The following CADM2 variants were observed in gnomAD, a reference collection of about 807,000 sequenced individuals.
CADM2 encodes the protein cell adhesion molecule 2.
A neutral mutation model predicts 49.8 loss-of-function variants in CADM2; 12 were observed. That is an observed-to-expected ratio of 0.24 (90% CI 0.15 to 0.39). CADM2 has a LOEUF of 0.39. Ranked by LOEUF, CADM2 falls within the 10% of genes least tolerant of loss-of-function variation. The pLI is 1.00. For missense variants in CADM2, 378 were observed against 492.3 expected, an observed-to-expected ratio of 0.77 and a Z score of 2.20; for synonymous variants, 214 against 175.4, an observed-to-expected ratio of 1.22 and a Z score of -1.74.
At position 85,288,732 on chromosome 3, in the gene CADM2, T is replaced by C. The variant is rs1301709572; in HGVS notation, c.61+329064T>C. Among the ~76,000 whole-genome samples, 10 of 149,646 alleles carry C rather than the reference T, an allele frequency of 6.7e-5. No individual in the cohort carries two copies. In the South Asian group the frequency reaches 1.9e-3, roughly 28 times the overall value. On this transcript the variant is annotated intron_variant, in intron 1 of 9. Transcript: ENST00000383699. Reference sequence around the variant, plus strand: ...GTGTTGGTGTATATTCCTTGGAAGATACCTCAATTAGAGGCAGTTTTATTT... The same window carrying C: ...GTGTTGGTGTATATTCCTTGGAAGACACCTCAATTAGAGGCAGTTTTATTT...
At chr3:85,191,963 G>C (rs1559712378) in intron 1 of CADM2, among the ~76,000 whole-genome samples, 1 of 151,876 alleles carries the variant, frequency 6.6e-6, no homozygotes, top group Non-Finnish European at 1.5e-5. Context: ...GTGTGTGTGT[G>C]TGTGTGTATT....
intron 7 of CADM2, among the ~76,000 whole-genome samples, chr3:85,943,235 G>A (rs1722192473): frequency 1.4e-5 from 2 of 140,468 alleles, no homozygotes; most frequent in Admixed American, 7.2e-5. Flanking sequence ...CTGGATATTA[G>A]CCCTTTGTCA....
intron 1 of CADM2, among the ~76,000 whole-genome samples, chr3:85,369,959 G>C (rs540540570): frequency 4.8e-4 from 73 of 151,562 alleles, no homozygotes; most frequent in South Asian, 1.0e-3. Context: ...AATGGAAAGA[G>C]ATGTTTTTAA....
At chr3:85,290,647 C>T (rs974804255) in intron 1 of CADM2, among the ~76,000 whole-genome samples, 1 of 152,104 alleles carries the variant, frequency 6.6e-6, no homozygotes, top group African/African-American at 2.4e-5. Flanking sequence ...CCCTGAGCTG[C>T]CTAACTGGGA....
intron 8 of CADM2, among the ~76,000 whole-genome samples, chr3:85,983,472 A>C (rs1727709600): frequency 1.3e-5 from 2 of 151,734 alleles, no homozygotes; most frequent in Non-Finnish European, 2.9e-5. Flanking sequence ...TGTTTTCATC[A>C]GAAAAACATG....
chr3:85,511,831 G>A (rs1008864446), intron 1 of CADM2: 4 of 965,854 alleles, frequency 4.1e-6, no homozygotes, highest in Non-Finnish European at 4.9e-6. Flanking sequence ...GAAACTAATG[G>A]CATGTTTTAT....
At chr3:85,013,813 TTAATTA>T (rs1308530068) in intron 1 of CADM2, among the ~76,000 whole-genome samples, 33 of 147,718 alleles carry the variant, frequency 2.2e-4, no homozygotes, top group African/African-American at 7.6e-4. Flanking sequence ...GTAATTAATT[TTAATTA>T]TAATTAATTA....
At chr3:85,068,508 A>G (rs1050281266) in intron 1 of CADM2, among the ~76,000 whole-genome samples, 10 of 152,124 alleles carry the variant, frequency 6.6e-5, no homozygotes, top group Non-Finnish European at 1.5e-4. Flanking sequence ...TAGAACATTG[A>G]GGAAATAGGA....
At chr3:85,249,208 A>G (rs539794119) in intron 1 of CADM2, among the ~76,000 whole-genome samples, 2 of 152,216 alleles carry the variant, frequency 1.3e-5, no homozygotes, top group East Asian at 3.9e-4. Flanking sequence ...GCCCCAAACC[A>G]CATCTCTTAC....
At chr3:86,013,575 A>T (rs1677403823) in intron 8 of CADM2, 1 of 1,601,666 alleles carries the variant, frequency 6.2e-7, no homozygotes, top group South Asian at 1.1e-5. Flanking sequence ...TGAGAGCTGT[A>T]TTCGAGAAGA....
chr3:86,013,817 T>C lies in CADM2; in HGVS notation c.971-51788T>C, dbSNP rs528560534. 2.5e-6 allele frequency: 4 copies of C among 1,589,516 alleles called. No individual in the cohort carries two copies. In the East Asian group the frequency reaches 9.0e-5, roughly 36 times the overall value. ...GGGGATTAAATATGAAGCATTGTCG[T>C]GGTCAGGCTTACATTGTGTCTAGTG... On this transcript the variant is annotated intron_variant, in intron 8 of 9. Transcript: ENST00000383699.
chr3:85,524,700 CTGTCAA>C (rs917622089), intron 1 of CADM2, among the ~76,000 whole-genome samples: 2 of 152,152 alleles, frequency 1.3e-5, no homozygotes, highest in African/African-American at 4.8e-5. Context: ...TTAATTTTTT[CTGTCAA>C]TTATTGGCAA....
intron 8 of CADM2, among the ~76,000 whole-genome samples, chr3:85,976,827 T>A (rs892942086): frequency 6.6e-6 from 1 of 151,546 alleles, no homozygotes; most frequent in African/African-American, 2.4e-5. Flanking sequence ...AAATAATAAT[T>A]TGTAATGTTA....
At chr3:85,510,062 T>C (rs772104121) in intron 1 of CADM2, among the ~76,000 whole-genome samples, 2 of 151,808 alleles carry the variant, frequency 1.3e-5, no homozygotes, top group Non-Finnish European at 2.9e-5. Flanking sequence ...CTCAAATATG[T>C]ATAATGGAAC....
chr3:85,889,298 T>C (rs984300771), intron 5 of CADM2, among the ~76,000 whole-genome samples: 1 of 152,190 alleles, frequency 6.6e-6, no homozygotes, highest in Admixed American at 6.6e-5. Flanking sequence ...GTCCAGAATA[T>C]GTCCATACTT....
intron 1 of CADM2, among the ~76,000 whole-genome samples, chr3:85,285,536 C>T (rs542978720): frequency 7.2e-5 from 11 of 152,172 alleles, no homozygotes; most frequent in Non-Finnish European, 8.8e-5. Context: ...GGCAATTTAA[C>T]TTTGAATAGG....
At chr3:85,476,082 C>G (rs1313794989) in intron 1 of CADM2, among the ~76,000 whole-genome samples, 1 of 151,858 alleles carries the variant, frequency 6.6e-6, no homozygotes, top group African/African-American at 2.4e-5. Context: ...TAATTAAACA[C>G]TACTTCAAAT....
intron 1 of CADM2, among the ~76,000 whole-genome samples, chr3:85,149,859 C>G (rs1361527045): frequency 3.3e-5 from 5 of 152,170 alleles, no homozygotes; most frequent in Non-Finnish European, 7.3e-5. Context: ...GTGAAAATAA[C>G]AAATCAACTC....
intron 1 of CADM2, among the ~76,000 whole-genome samples, chr3:85,364,366 C>G (rs1477562653): frequency 6.6e-6 from 1 of 152,222 alleles, no homozygotes; most frequent in African/African-American, 2.4e-5. Flanking sequence ...TTAAAACTCA[C>G]GCCTGTTATA....
Sources: allele counts gnomAD v4.1 joint callset (sites outside exome capture counted in the v4.1 genomes callset), GRCh38; gene constraint gnomAD v4.1.1; transcripts MANE v1.5; gene names NCBI Gene and HGNC (gene_info 2026-07-23, HGNC 2026-07-21).